GAREM1: variants seen among roughly 807,000 people sequenced by gnomAD.
GAREM1 encodes GRB2 associated regulator of MAPK1 subtype 1, also known as GRB2-associated and regulator of MAPK protein 1.
Under a neutral mutation model 71.3 loss-of-function variants are expected in GAREM1, and 26 were observed. The ratio of observed to expected loss-of-function variants is 0.36; its 90% CI spans 0.27 to 0.51. The LOEUF is 0.51. Among genes scored for constraint, GAREM1 ranks in the 20% least tolerant of loss-of-function variants. The probability of loss-of-function intolerance (pLI) is 0.95; values close to 1 mark genes in which losing one functional copy is unlikely to be tolerated. For synonymous variants in GAREM1, 440 were observed against 433.2 expected (o/e 1.02, Z -0.20); for missense variants, 1,026 against 1,103.1 (o/e 0.93, Z 0.99).
intron 2 of GAREM1, among the ~76,000 whole-genome samples, chr18:32,368,532 A>G (rs1007829969): frequency 6.6e-6 from 1 of 152,148 alleles, no homozygotes; most frequent in African/African-American, 2.4e-5. Flanking sequence ...TAAAAACACT[A>G]GTCTCCTTTT....
At chr18:32,378,511 A>C (rs1019531582) in intron 2 of GAREM1, among the ~76,000 whole-genome samples, 39 of 151,752 alleles carry the variant, frequency 2.6e-4, no homozygotes, top group African/African-American at 5.8e-4. Context: ...AAAAAAAAAA[A>C]AAAACAAAAA....
chr18:32,403,996 C>A (rs1694412770), intron 1 of GAREM1, among the ~76,000 whole-genome samples: 1 of 152,160 alleles, frequency 6.6e-6, no homozygotes, highest in African/African-American at 2.4e-5. Flanking sequence ...GGATAAGGAA[C>A]AAAGGTATGC....
chr18:32,343,405 C>G (rs1433611796), intron 2 of GAREM1, among the ~76,000 whole-genome samples: 2 of 149,904 alleles, frequency 1.3e-5, no homozygotes, highest in East Asian at 2.0e-4. Context: ...ACCTATACCT[C>G]CTGGGTTCAA....
intron 1 of GAREM1, among the ~76,000 whole-genome samples, chr18:32,429,858 G>A (rs1478060603): frequency 6.6e-6 from 1 of 152,188 alleles, no homozygotes; most frequent in Non-Finnish European, 1.5e-5. Context: ...CCTACAGTAT[G>A]CATGTAAGAT....
At chr18:32,378,737 T>A (rs1599003675) in intron 2 of GAREM1, among the ~76,000 whole-genome samples, 1 of 152,122 alleles carries the variant, frequency 6.6e-6, no homozygotes, top group Non-Finnish European at 1.5e-5. Context: ...CTTTCTCATA[T>A]CCAAGAGTGT....
intron 2 of GAREM1, among the ~76,000 whole-genome samples, chr18:32,344,888 T>C (rs996194120): frequency 1.5e-4 from 23 of 151,980 alleles, no homozygotes; most frequent in African/African-American, 5.3e-4. Flanking sequence ...GGTGAAACCC[T>C]GTCTCTACTA....
intron 3 of GAREM1, among the ~76,000 whole-genome samples, chr18:32,303,575 C>T (rs980990405): frequency 6.6e-6 from 1 of 152,152 alleles, no homozygotes; most frequent in Non-Finnish European, 1.5e-5. Flanking sequence ...AGAACAGCTA[C>T]TATGTACTGA....
intron 2 of GAREM1, among the ~76,000 whole-genome samples, chr18:32,330,294 G>A (rs1450352755): frequency 1.3e-5 from 2 of 152,148 alleles, no homozygotes; most frequent in African/African-American, 2.4e-5. Flanking sequence ...TTACAAGTGG[G>A]AGCTAAACAT....
intron 1 of GAREM1, among the ~76,000 whole-genome samples, chr18:32,425,626 T>C (rs1599038681): frequency 6.6e-6 from 1 of 152,318 alleles, no homozygotes; most frequent in Admixed American, 6.5e-5. Context: ...TGAGTGCTAA[T>C]ATTGTGTCCA....
chr18:32,278,702 C>G (rs1297189843), intron 4 of GAREM1, among the ~76,000 whole-genome samples: 2 of 152,148 alleles, frequency 1.3e-5, no homozygotes, highest in Non-Finnish European at 2.9e-5. Context: ...TATAAAGAGG[C>G]TTTTATACAG....
chr18:32,297,088 T>C (rs1310666039), intron 3 of GAREM1, among the ~76,000 whole-genome samples: 1 of 152,234 alleles, frequency 6.6e-6, no homozygotes, highest in Non-Finnish European at 1.5e-5. Flanking sequence ...ATGGCTGTTT[T>C]CACGCTATGA....
intron 1 of GAREM1, among the ~76,000 whole-genome samples, chr18:32,457,222 AGAGAGTGTGTGTGTGT>A (rs2048901295): frequency 1.2e-5 from 1 of 84,240 alleles, no homozygotes; most frequent in Admixed American, 1.0e-4. Context: ...AGAGAGAGAG[AGAGAGTGTGTGTGTGT>A]GTGTGTGTGT....
chr18:32,457,226 AGTGTGTGTGT>A (rs566379367), intron 1 of GAREM1, among the ~76,000 whole-genome samples: 1 of 81,926 alleles, frequency 1.2e-5, no homozygotes, highest in African/African-American at 4.2e-5. Flanking sequence ...AGAGAGAGAG[AGTGTGTGTGT>A]GTGTGTGTGT....
chr18:32,402,438 A>G (rs2048323762), intron 1 of GAREM1, among the ~76,000 whole-genome samples: 1 of 152,200 alleles, frequency 6.6e-6, no homozygotes, highest in Non-Finnish European at 1.5e-5. Context: ...CAATTTCAAA[A>G]TCCAAAATAA....
intron 1 of GAREM1, chr18:32,412,856 T>C (rs1474171176): frequency 2.6e-6 from 2 of 763,156 alleles, no homozygotes; most frequent in South Asian, 1.5e-5. Context: ...CACCAACAAA[T>C]ATCTTTTTCA....
At chr18:32,447,600 C>A (rs1280555040) in intron 1 of GAREM1, among the ~76,000 whole-genome samples, 1 of 152,042 alleles carries the variant, frequency 6.6e-6, no homozygotes, top group Non-Finnish European at 1.5e-5. Context: ...TACAGGAAAG[C>A]AATAATGATG....
intron 2 of GAREM1, among the ~76,000 whole-genome samples, chr18:32,390,212 T>G: frequency 6.7e-6 from 1 of 150,304 alleles, no homozygotes; most frequent in Admixed American, 6.6e-5. Flanking sequence ...CACACTGCCT[T>G]CTTATTTACC....
chr18:32,378,057 T>TGTGTGTGTGTGTGCGCGC (rs1293817110), intron 2 of GAREM1, among the ~76,000 whole-genome samples: 5 of 127,526 alleles, frequency 3.9e-5, no homozygotes, highest in African/African-American at 1.5e-4. Flanking sequence ...TGTGTGTGTG[T>TGTGTGTGTGTGTGCGCGC]GCGCGCGGGC....
At chr18:32,467,957 T>C (rs995444092) in intron 1 of GAREM1, among the ~76,000 whole-genome samples, 1 of 151,756 alleles carries the variant, frequency 6.6e-6, no homozygotes, top group Non-Finnish European at 1.5e-5. Flanking sequence ...TTGACTCTTT[T>C]AAAGTCTACC....
Sources: gnomAD v4.1 joint callset for allele counts (sites outside exome capture counted in the v4.1 genomes callset) on GRCh38, gnomAD v4.1.1 for gene constraint, MANE v1.5 for transcripts, NCBI Gene and HGNC (gene_info 2026-07-23, HGNC 2026-07-21) for gene names.